The following CSMD1 variants were observed in gnomAD, a reference collection of about 807,000 sequenced individuals.
CSMD1 encodes CUB and sushi domain-containing protein 1.
A neutral mutation model predicts 417.5 loss-of-function variants in CSMD1; 213 were observed. That is an observed-to-expected ratio of 0.51 (90% CI 0.46 to 0.57). The LOEUF (loss-of-function observed/expected upper bound fraction) is 0.57, where lower values mean the gene tolerates loss of function less well. Among genes scored for constraint, CSMD1 ranks in the 20% least tolerant of loss-of-function variants. The probability of loss-of-function intolerance (pLI) is 0.00; values close to 1 mark genes in which losing one functional copy is unlikely to be tolerated. For missense variants in CSMD1, 6,923 were observed against 4,529.7 expected (o/e 1.53, Z -15.17); for synonymous variants, 2,862 against 1,736.8 (o/e 1.65, Z -16.11).
At chr8:4,882,185 C>T (rs958865885) in intron 1 of CSMD1, among the ~76,000 whole-genome samples, 2 of 151,990 alleles carry the variant, frequency 1.3e-5, no homozygotes, top group East Asian at 1.9e-4. Context: ...TGGCACTAGA[C>T]GGTGGTGTAC....
intron 3 of CSMD1, among the ~76,000 whole-genome samples, chr8:4,225,536 A>G (rs1054629597): frequency 7.6e-6 from 1 of 132,308 alleles, no homozygotes; most frequent in Admixed American, 7.6e-5. Flanking sequence ...TTTTGCCTCT[A>G]TTTTTTCTTC....
intron 7 of CSMD1, among the ~76,000 whole-genome samples, chr8:3,617,996 A>G (rs1802228271): frequency 6.6e-6 from 1 of 152,112 alleles, no homozygotes; most frequent in South Asian, 2.1e-4. Context: ...AATCATATCA[A>G]GTTTAGCTTA....
At chr8:3,073,008 A>C (rs1813417838) in intron 49 of CSMD1, among the ~76,000 whole-genome samples, 1 of 152,182 alleles carries the variant, frequency 6.6e-6, no homozygotes, top group African/African-American at 2.4e-5. Flanking sequence ...TCATAAAATT[A>C]ATTTTTTCCA....
chr8:3,558,466 G>C (rs1343708640), intron 10 of CSMD1, among the ~76,000 whole-genome samples: 3 of 149,792 alleles, frequency 2.0e-5, no homozygotes, highest in East Asian at 4.0e-4. Flanking sequence ...TGTCTCAATA[G>C]TACCCCATGT....
chr8:3,887,083 T>C (rs1484015426), intron 5 of CSMD1, among the ~76,000 whole-genome samples: 4 of 152,190 alleles, frequency 2.6e-5, no homozygotes, highest in African/African-American at 4.8e-5. Flanking sequence ...AATCCCACTC[T>C]AGCTGAGCTC....
intron 3 of CSMD1, among the ~76,000 whole-genome samples, chr8:4,071,130 T>G (rs1455150106): frequency 6.6e-6 from 1 of 152,148 alleles, no homozygotes; most frequent in East Asian, 1.9e-4. Flanking sequence ...TTTTTCTTTT[T>G]TTTCCAAATT....
At chr8:3,815,131 C>G (rs1253006222) in intron 5 of CSMD1, among the ~76,000 whole-genome samples, 2 of 152,112 alleles carry the variant, frequency 1.3e-5, no homozygotes, top group East Asian at 3.8e-4. Flanking sequence ...GGATATTTTG[C>G]TTAGTATTTC....
At chr8:3,643,653 A>G (rs1475091508) in intron 7 of CSMD1, among the ~76,000 whole-genome samples, 3 of 144,464 alleles carry the variant, frequency 2.1e-5, no homozygotes, top group Admixed American at 7.2e-5. Context: ...GTGAGCCGAG[A>G]TCGCGCCACT....
intron 3 of CSMD1, among the ~76,000 whole-genome samples, chr8:4,403,752 G>A (rs768241144): frequency 1.3e-5 from 2 of 152,076 alleles, no homozygotes; most frequent in Non-Finnish European, 2.9e-5. Context: ...CTTACTGCTA[G>A]CAACTCCACT....
intron 6 of CSMD1, among the ~76,000 whole-genome samples, chr8:3,730,775 G>A (rs557274884): frequency 1.4e-4 from 22 of 152,206 alleles, no homozygotes; most frequent in African/African-American, 5.3e-4. Context: ...GTCACTCAGA[G>A]GTGATACCCT....
At chr8:4,041,116 C>G (rs11136692) in intron 3 of CSMD1, among the ~76,000 whole-genome samples, 14 of 147,474 alleles carry the variant, frequency 9.5e-5, no homozygotes, top group South Asian at 6.4e-4. Flanking sequence ...TCCCGGGTTC[C>G]CGCCATTCTC....
At chr8:4,472,188 AT>A (rs1438754142) in intron 2 of CSMD1, among the ~76,000 whole-genome samples, 1 of 152,074 alleles carries the variant, frequency 6.6e-6, no homozygotes, top group African/African-American at 2.4e-5. Flanking sequence ...TTAAAATGTT[AT>A]TTTTTCTCTT....
chr8:3,006,567 A>C (rs1330933555), intron 52 of CSMD1, among the ~76,000 whole-genome samples: 1 of 151,924 alleles, frequency 6.6e-6, no homozygotes, highest in African/African-American at 2.4e-5. Flanking sequence ...ACTGGTACCA[A>C]AGCAGAGATA....
chr8:4,175,743 T>C (rs1305658300), intron 3 of CSMD1, among the ~76,000 whole-genome samples: 1 of 152,090 alleles, frequency 6.6e-6, no homozygotes, highest in Non-Finnish European at 1.5e-5. Context: ...AGAAAAATAA[T>C]GGTGAAATAT....
chr8:3,494,816 T>A (rs1796300241), intron 10 of CSMD1, among the ~76,000 whole-genome samples: 1 of 152,124 alleles, frequency 6.6e-6, no homozygotes, highest in Non-Finnish European at 1.5e-5. Context: ...TAAACTGTGT[T>A]TTAGAATGAA....
At chr8:4,218,723 G>T (rs1800840050) in intron 3 of CSMD1, among the ~76,000 whole-genome samples, 1 of 152,164 alleles carries the variant, frequency 6.6e-6, no homozygotes, top group Non-Finnish European at 1.5e-5. Flanking sequence ...CAGTGATGGT[G>T]ACTGGTTTCA....
At chr8:3,785,845 T>C (rs1038838032) in intron 5 of CSMD1, among the ~76,000 whole-genome samples, 2 of 152,188 alleles carry the variant, frequency 1.3e-5, no homozygotes, top group Admixed American at 6.5e-5. Flanking sequence ...CTGAGGGCTT[T>C]GGGAAGTAGA....
At chr8:3,715,139 CT>C (rs1180225745) in intron 6 of CSMD1, among the ~76,000 whole-genome samples, 6 of 152,078 alleles carry the variant, frequency 3.9e-5, no homozygotes, top group African/African-American at 1.4e-4. Flanking sequence ...TTCAGATCAC[CT>C]TATATTTTAA....
intron 5 of CSMD1, among the ~76,000 whole-genome samples, chr8:3,913,646 G>A (rs1563204991): frequency 6.6e-6 from 1 of 152,166 alleles, no homozygotes; most frequent in Non-Finnish European, 1.5e-5. Context: ...ATCCAGCATT[G>A]AGACATTTGG....
Sources: gnomAD v4.1 joint callset for allele counts (sites outside exome capture counted in the v4.1 genomes callset) on GRCh38, gnomAD v4.1.1 for gene constraint, MANE v1.5 for transcripts, NCBI Gene and HGNC (gene_info 2026-07-23, HGNC 2026-07-21) for gene names.